The following NWD2 variants were observed in gnomAD, a reference collection of about 807,000 sequenced individuals.
NWD2 encodes NACHT and WD repeat domain-containing protein 2.
NWD2 carries 37 observed loss-of-function variants against 132.7 expected under a neutral mutation model. That is an observed-to-expected ratio of 0.28 (90% CI 0.21 to 0.37). NWD2 has a LOEUF of 0.37. Ranked by LOEUF, NWD2 falls within the 10% of genes least tolerant of loss-of-function variation. The pLI is 1.00. For missense variants in NWD2, 1,592 were observed against 2,122.4 expected, an observed-to-expected ratio of 0.75 and a Z score of 4.91; for synonymous variants, 705 against 803.0, an observed-to-expected ratio of 0.88 and a Z score of 2.06.
At chr4:37,306,630 A>G (rs1281229539) in intron 1 of NWD2, among the ~76,000 whole-genome samples, 3 of 152,064 alleles carry the variant, frequency 2.0e-5, no homozygotes, top group Non-Finnish European at 2.9e-5. Flanking sequence ...GTTGATTTCT[A>G]GTTATATATT....
chr4:37,332,994 G>T (rs934153203), intron 2 of NWD2, among the ~76,000 whole-genome samples: 7 of 152,148 alleles, frequency 4.6e-5, no homozygotes, highest in Non-Finnish European at 7.4e-5. Flanking sequence ...CATGGGAAAA[G>T]ATTCCTCTGC....
At chr4:37,260,221 T>C (rs1717601330) in intron 1 of NWD2, among the ~76,000 whole-genome samples, 1 of 152,164 alleles carries the variant, frequency 6.6e-6, no homozygotes, top group South Asian at 2.1e-4. Flanking sequence ...GAAGAGGGCA[T>C]GAAATGGACT....
intron 3 of NWD2, among the ~76,000 whole-genome samples, chr4:37,366,475 C>G (rs1290217536): frequency 6.6e-6 from 1 of 151,888 alleles, no homozygotes; most frequent in Non-Finnish European, 1.5e-5. Flanking sequence ...GAAACTATGA[C>G]TAATTTTAAA....
chr4:37,317,310 G>T (rs1311853871), intron 1 of NWD2, among the ~76,000 whole-genome samples: 3 of 152,180 alleles, frequency 2.0e-5, no homozygotes, highest in Non-Finnish European at 4.4e-5. Context: ...TCCCACCACA[G>T]GAATTTGTGG....
intron 1 of NWD2, among the ~76,000 whole-genome samples, chr4:37,270,183 TAGA>T (rs1036716502): frequency 1.5e-4 from 23 of 151,894 alleles, no homozygotes; most frequent in African/African-American, 5.3e-4. Context: ...TATAAAATAA[TAGA>T]AGTTATTTTA....
At chr4:37,260,534 T>G (rs893276693) in intron 1 of NWD2, among the ~76,000 whole-genome samples, 4 of 152,076 alleles carry the variant, frequency 2.6e-5, no homozygotes, top group Admixed American at 2.6e-4. Context: ...TGTAACAGAG[T>G]TTATCATGAT....
chr4:37,296,493 C>T (rs934026876), intron 1 of NWD2, among the ~76,000 whole-genome samples: 10 of 152,116 alleles, frequency 6.6e-5, no homozygotes, highest in South Asian at 2.1e-4. Flanking sequence ...ATATACACCA[C>T]GGAATACCAC....
intron 3 of NWD2, among the ~76,000 whole-genome samples, chr4:37,380,244 G>A (rs1327641412): frequency 1.3e-5 from 2 of 152,208 alleles, no homozygotes; most frequent in African/African-American, 4.8e-5. Context: ...TGACGATAAA[G>A]TCCGGACTCT....
At chr4:37,291,010 A>AC (rs1718349543) in intron 1 of NWD2, among the ~76,000 whole-genome samples, 2 of 152,098 alleles carry the variant, frequency 1.3e-5, no homozygotes, top group Non-Finnish European at 2.9e-5. Context: ...GTAGTCTTAA[A>AC]CCCCTGAGAG....
intron 2 of NWD2, among the ~76,000 whole-genome samples, chr4:37,346,179 A>G (rs1049940712): frequency 6.6e-6 from 1 of 151,810 alleles, no homozygotes; most frequent in Non-Finnish European, 1.5e-5. Context: ...TGTTGAGTTA[A>G]TTAATTTTAC....
chr4:37,288,819 G>T (rs2109271287), intron 1 of NWD2, among the ~76,000 whole-genome samples: 1 of 151,954 alleles, frequency 6.6e-6, no homozygotes, highest in East Asian at 1.9e-4. Flanking sequence ...TTTGGTTTTT[G>T]TTTTTTTAAA....
chr4:37,438,522 C>G (rs1377486458), intron 5 of NWD2, among the ~76,000 whole-genome samples: 1 of 152,098 alleles, frequency 6.6e-6, no homozygotes, highest in African/African-American at 2.4e-5. Context: ...TTAGAAATAT[C>G]CACTATAACT....
intron 1 of NWD2, among the ~76,000 whole-genome samples, chr4:37,257,084 C>G (rs1177281323): frequency 6.6e-6 from 1 of 152,112 alleles, no homozygotes; most frequent in Non-Finnish European, 1.5e-5. Flanking sequence ...CCTCACTGCC[C>G]CATGGACGGA....
intron 6 of NWD2, among the ~76,000 whole-genome samples, chr4:37,441,228 A>ATATTG (rs1177312054): frequency 6.6e-6 from 1 of 152,238 alleles, no homozygotes; most frequent in African/African-American, 2.4e-5. Context: ...TTTAGGGTCC[A>ATATTG]CATTGCATTG....
chr4:37,434,240 A>G (rs1242574274), intron 5 of NWD2, among the ~76,000 whole-genome samples: 2 of 152,220 alleles, frequency 1.3e-5, no homozygotes, highest in African/African-American at 4.8e-5. Context: ...TGATTTTAAA[A>G]GAAGCCAGAG....
At chr4:37,329,631 A>G (rs981940472) in intron 2 of NWD2, among the ~76,000 whole-genome samples, 2 of 152,198 alleles carry the variant, frequency 1.3e-5, no homozygotes, top group East Asian at 1.9e-4. Context: ...AAAAATTAGA[A>G]CAGTAAAGAA....
intron 1 of NWD2, among the ~76,000 whole-genome samples, chr4:37,319,027 T>C (rs1372552229): frequency 6.6e-6 from 1 of 152,246 alleles, no homozygotes; most frequent in Non-Finnish European, 1.5e-5. Flanking sequence ...ATGGTAGCTC[T>C]GTTTTACATT....
At chr4:37,411,043 G>A (rs898887250) in intron 3 of NWD2, among the ~76,000 whole-genome samples, 4 of 152,154 alleles carry the variant, frequency 2.6e-5, no homozygotes, top group African/African-American at 9.6e-5. Context: ...GAGAGTGTAG[G>A]AAAGATCTAA....
At chr4:37,441,445 G>A (rs1240865482) in intron 6 of NWD2, among the ~76,000 whole-genome samples, 2 of 152,166 alleles carry the variant, frequency 1.3e-5, no homozygotes, top group East Asian at 1.9e-4. Flanking sequence ...CATACAGGCC[G>A]CTGGAGGAAA....
Sources: allele counts gnomAD v4.1 joint callset (sites outside exome capture counted in the v4.1 genomes callset), GRCh38; gene constraint gnomAD v4.1.1; transcripts MANE v1.5; gene names NCBI Gene and HGNC (gene_info 2026-07-23, HGNC 2026-07-21).